Variants in HIVEP1 observed in about 807,000 individuals in gnomAD.
HIVEP1 encodes the protein zinc finger protein 40.
Under a neutral mutation model 180.0 loss-of-function variants are expected in HIVEP1, and 36 were observed. The observed-to-expected ratio is 0.20, with a 90% CI of 0.15 to 0.26. HIVEP1 has a LOEUF of 0.26. Ranked by LOEUF, HIVEP1 falls within the 10% of genes least tolerant of loss-of-function variation. The probability of loss-of-function intolerance (pLI) is 1.00; values close to 1 mark genes in which losing one functional copy is unlikely to be tolerated. For synonymous variants in HIVEP1, 1,239 were observed against 1,239.0 expected (o/e 1.00, Z 0.00); for missense variants, 3,143 against 3,268.7 (o/e 0.96, Z 0.94).
At chr6:12,185,762 T>C in the HIVEP1 span, among the ~76,000 whole-genome samples, 2 of 152,160 alleles carry the variant, frequency 1.3e-5, no homozygotes, top group Non-Finnish European at 2.9e-5. Flanking sequence ...TATACACCCA[T>C]TGGAGTGGCT....
intron 2 of HIVEP1, among the ~76,000 whole-genome samples, chr6:12,017,485 A>G (rs1000924586): frequency 2.0e-5 from 3 of 152,258 alleles, no homozygotes; most frequent in Non-Finnish European, 4.4e-5. Context: ...ATTTATTGCA[A>G]AGAGCACAAC....
At position 12,163,940 on chromosome 6, in the gene HIVEP1, A is replaced by G. The variant is rs763177524; in HGVS notation, c.7636A>G (p.Ile2546Val). ...TCAGGCACACATTCCAGGTCTCCAGATCTTGAACATAGCATTGCCCACCTT... is the reference window on the plus strand; with the variant it reads ...TCAGGCACACATTCCAGGTCTCCAGGTCTTGAACATAGCATTGCCCACCTT... ...APQAHIPGLQ[I>V]LNIALPTLIP... Residue 2546 changes from isoleucine (I) to valine (V), a missense_variant, in exon 9 of 9, where the codon ATC (isoleucine) becomes GTC (valine). Transcript: ENST00000379388. 6.2e-7 allele frequency: 1 copy of G among 1,614,000 alleles called. No individual in the cohort carries two copies. Among genetic ancestry groups the G allele is most frequent in the African/African-American group, 1.3e-5 (1 of 74,890 alleles).
chr6:12,181,164 T>A, the HIVEP1 span, among the ~76,000 whole-genome samples: 1 of 151,900 alleles, frequency 6.6e-6, no homozygotes, highest in African/African-American at 2.4e-5. Flanking sequence ...ATCGAGACCA[T>A]CCTGGCTAAC....
In HIVEP1 at chr6:12,035,516, T is replaced by C. The variant is rs369294886; in HGVS notation, c.40+19848T>C. 1.6e-4 allele frequency among the ~76,000 whole-genome samples: 24 copies of C among 152,364 alleles called. No individual in the cohort carries two copies. The South Asian group carries it at 4.8e-3, about 30-fold the overall frequency. ...CACATAGTACATTTTGCTTTTTATG[T>C]ATTCCTTGTACTCTGAACCTGTGTG... On this transcript the variant is annotated intron_variant, in intron 2 of 8. Coordinates refer to ENST00000379388, the MANE Select transcript of HIVEP1 (RefSeq NM_002114.4).
the HIVEP1 span, among the ~76,000 whole-genome samples, chr6:12,204,664 C>CTAATTCA: frequency 6.6e-6 from 1 of 152,168 alleles, no homozygotes; most frequent in African/African-American, 2.4e-5. Flanking sequence ...CATTAATTCA[C>CTAATTCA]TTACCCATTC....
At chr6:12,135,336 T>G (rs545013360) in intron 6 of HIVEP1, among the ~76,000 whole-genome samples, 4 of 152,144 alleles carry the variant, frequency 2.6e-5, no homozygotes, top group Non-Finnish European at 5.9e-5. Context: ...CCAGGGTACT[T>G]AGGATTCCAT....
In HIVEP1 at chr6:12,122,088, G is replaced by A. The variant is rs755330397; in HGVS notation, c.2293G>A (p.Asp765Asn). The A allele has an allele frequency of 6.2e-6, 10 of 1,614,210 alleles. No homozygotes were observed. The highest frequency in any genetic ancestry group is 8.5e-6 in the Non-Finnish European group (10 of 1,180,032). Reference sequence around the variant, plus strand: ...AGCTTTGGTAGATGACAAGCAACTGGATAGTGTGAAGCCGCGGAGAACCTC... The same window carrying A: ...AGCTTTGGTAGATGACAAGCAACTGAATAGTGTGAAGCCGCGGAGAACCTC... ...NEALVDDKQL[D>N]SVKPRRTSLS... The change falls in exon 4 of 9, where the codon GAT becomes AAT. Residue 765 changes from aspartate to asparagine, a missense_variant. By Grantham distance (23) the Asp-to-Asn change is conservative. Coordinates refer to ENST00000379388, the MANE Select transcript of HIVEP1 (RefSeq NM_002114.4).
In HIVEP1 at chr6:12,161,488, A is replaced by G. The variant is rs755317010; in HGVS notation, c.6537A>G (p.Glu2179=). 6.2e-7 allele frequency: 1 copy of G among 1,614,096 alleles called. No individual in the cohort carries two copies. The highest frequency in any genetic ancestry group is 2.2e-5 in the East Asian group (1 of 44,880). Residue 2179 remains glutamate (E), a synonymous_variant, in exon 8 of 9, where the codon GAA becomes GAG. Transcript: ENST00000379388. ...SYERSGYDLE[E]SDGPDEDDNE... ...AGCGATCTGGATATGATCTTGAAGA[A>G]TCTGATGGCCCAGATGAGGATGACA...
At chr6:12,152,991 T>C (rs568265785) in intron 7 of HIVEP1, among the ~76,000 whole-genome samples, 2 of 152,364 alleles carry the variant, frequency 1.3e-5, no homozygotes, top group South Asian at 4.1e-4. Flanking sequence ...TATTTGCATA[T>C]GCTAAAAAAG....
At chr6:12,050,177 G>A (rs1278208166) in intron 2 of HIVEP1, among the ~76,000 whole-genome samples, 1 of 152,190 alleles carries the variant, frequency 6.6e-6, no homozygotes, top group Non-Finnish European at 1.5e-5. Flanking sequence ...AGTAAACCGC[G>A]ATTGGGTTTA....
chr6:12,083,887 T>G (rs1396245232), intron 2 of HIVEP1, among the ~76,000 whole-genome samples: 1 of 152,158 alleles, frequency 6.6e-6, no homozygotes, highest in Non-Finnish European at 1.5e-5. Context: ...GTGAATGTGC[T>G]TCTTGATATA....
chr6:12,112,342 A>G lies in HIVEP1; in HGVS notation c.95-7548A>G, dbSNP rs138682759. On this transcript the variant is annotated intron_variant, in intron 3 of 8. Transcript: ENST00000379388. ...TTTCTCTTTATCTTTGGTTTTCAGC[A>G]GTTTGAATATATTGTCTAAATTCTT... 2.0e-5 allele frequency among the ~76,000 whole-genome samples: 3 copies of G among 152,112 alleles called. No individual in the cohort carries two copies. The East Asian group carries it at 5.8e-4, about 29-fold the overall frequency.
At chr6:12,158,741 T>C (rs1206602228) in intron 7 of HIVEP1, among the ~76,000 whole-genome samples, 1 of 152,140 alleles carries the variant, frequency 6.6e-6, no homozygotes, top group African/African-American at 2.4e-5. Context: ...CTGTTCCCTT[T>C]CCACACTGCA....
Position 12,124,545 on chromosome 6 carries a change from C to T in HIVEP1, c.4750C>T (p.Gln1584Ter). 1 of 1,614,084 alleles carries T rather than the reference C, an allele frequency of 6.2e-7. No individual in the cohort carries two copies. The highest frequency in any genetic ancestry group is 8.5e-7 in the Non-Finnish European group (1 of 1,179,986). ...SSNPVHSLPN[Q>*]VISDPVGTDH... ...TAATCCTGTGCATTCTTTGCCAAAT[C>T]AAGTTATTTCAGATCCAGTTGGAAC... Residue 1584 changes from glutamine to a stop codon, truncating the protein, a stop_gained, in exon 4 of 9, where the codon CAA becomes TAA. Transcript: ENST00000379388. LOFTEE classifies it high-confidence loss of function.
At chr6:12,061,280 A>G (rs1771212944) in intron 2 of HIVEP1, among the ~76,000 whole-genome samples, 1 of 152,252 alleles carries the variant, frequency 6.6e-6, no homozygotes, top group Admixed American at 6.5e-5. Context: ...AATTAAACCA[A>G]ATGTACACCC....
chr6:12,107,672 C>T (rs1043894466), intron 3 of HIVEP1, among the ~76,000 whole-genome samples: 1 of 152,194 alleles, frequency 6.6e-6, no homozygotes, highest in Non-Finnish European at 1.5e-5. Context: ...GTGAGTGTTA[C>T]AGCTCATAAA....
chr6:12,032,314 AT>A (rs761352312), intron 2 of HIVEP1, among the ~76,000 whole-genome samples: 2 of 149,354 alleles, frequency 1.3e-5, no homozygotes, highest in Non-Finnish European at 1.5e-5. Flanking sequence ...AATTTTTTGT[AT>A]TTTTTTTTAG....
At chr6:12,090,603 A>G (rs1319265677) in intron 3 of HIVEP1, among the ~76,000 whole-genome samples, 2 of 149,152 alleles carry the variant, frequency 1.3e-5, no homozygotes, top group Admixed American at 6.7e-5. Flanking sequence ...AAAAACAAGC[A>G]TAGAAGAGTA....
At chr6:12,148,387 C>A (rs1244333545) in intron 7 of HIVEP1, among the ~76,000 whole-genome samples, 1 of 152,198 alleles carries the variant, frequency 6.6e-6, no homozygotes, top group Non-Finnish European at 1.5e-5. Context: ...GAGAAGTGAG[C>A]CACTATGTAA....
Sources: allele counts gnomAD v4.1 joint callset (sites outside exome capture counted in the v4.1 genomes callset), GRCh38; gene constraint gnomAD v4.1.1; transcripts MANE v1.5; gene names NCBI Gene and HGNC (gene_info 2026-07-23, HGNC 2026-07-21).